Variants in AFAP1 observed in about 807,000 individuals in gnomAD.
The protein encoded by AFAP1 is actin filament-associated protein 1.
A neutral mutation model predicts 93.9 loss-of-function variants in AFAP1; 75 were observed. The observed-to-expected ratio is 0.80, with a 90% confidence interval of 0.66 to 0.97. The LOEUF is 0.97. Among genes scored for constraint, AFAP1 ranks in the 50% least tolerant of loss-of-function variants. AFAP1 has a pLI of 0.00. For missense variants in AFAP1, 1,201 were observed against 1,050.8 expected, an observed-to-expected ratio of 1.14 and a Z score of -1.98; for synonymous variants, 517 against 430.7, an observed-to-expected ratio of 1.20 and a Z score of -2.48.
rs183030813 is a variant in AFAP1, at chr4:7,791,416, G to A, written c.1412+2265C>T. Among the ~76,000 whole-genome samples, 4 of 152,294 alleles carry A rather than the reference G, an allele frequency of 2.6e-5. No individual in the cohort carries two copies. The South Asian group carries it at 6.2e-4, about 24-fold the overall frequency. On this transcript the variant is annotated intron_variant, in intron 11 of 17. Transcript: ENST00000420658. The stretch of plus-strand genomic sequence containing the variant: ...CCATCTCTATTTTCTACAGAAGGCA[G>A]CAGAGGTACTAACAGGTAATGAATG...
chr4:7,923,399 G>A (rs1720543581), intron 1 of AFAP1, among the ~76,000 whole-genome samples: 1 of 152,172 alleles, frequency 6.6e-6, no homozygotes, highest in African/African-American at 2.4e-5. Flanking sequence ...CTCAGTTCCA[G>A]GACAAGGACC....
At chr4:7,843,381 G>A (rs778486399) in intron 4 of AFAP1, 31 bp from the exon 5 acceptor site, 162 of 1,574,628 alleles carry the variant, frequency 1.0e-4, no homozygotes, top group Non-Finnish European at 1.3e-4. Flanking sequence ...CTGGTAAAAA[G>A]GACTTCTTTA....
intron 17 of AFAP1, among the ~76,000 whole-genome samples, chr4:7,767,918 T>C (rs1021017290): frequency 5.9e-5 from 9 of 151,998 alleles, no homozygotes; most frequent in African/African-American, 2.2e-4. Flanking sequence ...CTATAAAGAA[T>C]ACAGTAAGTT....
At chr4:7,868,864 A>G (rs1716731880) in intron 2 of AFAP1, 145 bp from the exon 3 acceptor site, 1 of 688,680 alleles carries the variant, frequency 1.5e-6, no homozygotes, top group African/African-American at 1.9e-5. Context: ...CTGCAAGGTT[A>G]GGTATTATTC....
intron 1 of AFAP1, among the ~76,000 whole-genome samples, chr4:7,937,061 TCAA>T (rs1259867315): frequency 6.6e-6 from 1 of 152,010 alleles, no homozygotes; most frequent in Non-Finnish European, 1.5e-5. Flanking sequence ...AGATCTGAGC[TCAA>T]CAACTCCATT....
At chr4:7,773,215 T>G in intron 15 of AFAP1, 2 of 770,894 alleles carry the variant, frequency 2.6e-6, no homozygotes, top group Non-Finnish European at 4.0e-6. Context: ...CTGCAGCCGT[T>G]GAGGACTCGG....
intron 1 of AFAP1, among the ~76,000 whole-genome samples, chr4:7,899,070 C>T (rs950106621): frequency 2.6e-5 from 4 of 151,288 alleles, no homozygotes; most frequent in South Asian, 2.1e-4. Flanking sequence ...CTGTCCTTAA[C>T]GAGTTCTAAA....
At chr4:7,871,575 T>A (rs556381078) in intron 2 of AFAP1, among the ~76,000 whole-genome samples, 1 of 152,296 alleles carries the variant, frequency 6.6e-6, no homozygotes, top group Admixed American at 6.5e-5. Flanking sequence ...TCCTCCATGT[T>A]CCGCCTACAT....
intron 1 of AFAP1, among the ~76,000 whole-genome samples, chr4:7,928,954 C>T (rs952745476): frequency 6.6e-6 from 1 of 152,220 alleles, no homozygotes; most frequent in Admixed American, 6.5e-5. Flanking sequence ...TCAGCCACAG[C>T]ACCTGGTTGC....
chr4:7,825,875 A>T (rs1436269749), intron 6 of AFAP1, among the ~76,000 whole-genome samples: 1 of 151,734 alleles, frequency 6.6e-6, no homozygotes, highest in East Asian at 1.9e-4. Context: ...GGCACAGGGC[A>T]TTTTTACTCC....
chr4:7,817,720 G>C (rs1720605265), intron 7 of AFAP1, among the ~76,000 whole-genome samples: 1 of 150,270 alleles, frequency 6.7e-6, no homozygotes, highest in African/African-American at 2.5e-5. Flanking sequence ...TGTGGCTTAA[G>C]AGTTGTTAAA....
chr4:7,901,041 C>G (rs1032322644), intron 1 of AFAP1, among the ~76,000 whole-genome samples: 3 of 152,208 alleles, frequency 2.0e-5, no homozygotes, highest in African/African-American at 7.2e-5. Context: ...TAGGACTGCT[C>G]TCCCACTTGG....
rs6814649 is a variant in AFAP1, at chr4:7,907,911, G to A, written c.-3+31745C>T. ...TTAATTAGCACCCATTTAAAGTTAA[G>A]TGCTACCCACAGATATTTAAAAGCA... On this transcript the variant is annotated intron_variant, in intron 1 of 17. Transcript: ENST00000420658. Among the ~76,000 whole-genome samples the A allele has an allele frequency of 5.8e-3, 888 of 152,196 alleles. 6 individuals are homozygous for A. Among genetic ancestry groups the A allele is most frequent in the African/African-American group, 0.019 (782 of 41,520 alleles).
At chr4:7,798,275 C>G (rs1718659366) in intron 10 of AFAP1, among the ~76,000 whole-genome samples, 1 of 148,244 alleles carries the variant, frequency 6.7e-6, no homozygotes, top group Non-Finnish European at 1.5e-5. Context: ...GGCACTGCAA[C>G]TCTACTGGCT....
intron 4 of AFAP1, among the ~76,000 whole-genome samples, chr4:7,851,150 C>G (rs1714394381): frequency 6.6e-6 from 1 of 152,182 alleles, no homozygotes; most frequent in Admixed American, 6.5e-5. Context: ...TAGAGAGAAC[C>G]ATCTTACTTC....
At chr4:7,881,168 G>C (rs202042898) in intron 1 of AFAP1, among the ~76,000 whole-genome samples, 1 of 152,146 alleles carries the variant, frequency 6.6e-6, no homozygotes, top group Non-Finnish European at 1.5e-5. Context: ...GGTGGGAACA[G>C]TATGTGCATT....
At chr4:7,817,555 C>A (rs1484487956) in intron 7 of AFAP1, among the ~76,000 whole-genome samples, 6 of 152,114 alleles carry the variant, frequency 3.9e-5, no homozygotes, top group Non-Finnish European at 8.8e-5. Flanking sequence ...GGTGCCATTG[C>A]ACTCCAGCCT....
At chr4:7,828,390 C>T (rs948556365) in intron 6 of AFAP1, among the ~76,000 whole-genome samples, 3 of 152,160 alleles carry the variant, frequency 2.0e-5, no homozygotes, top group Non-Finnish European at 2.9e-5. Context: ...TTTTGAAATT[C>T]GAGACAGCAG....
intron 16 of AFAP1, 56 bp downstream of exon 16, chr4:7,772,764 G>A: frequency 6.5e-7 from 1 of 1,544,000 alleles, no homozygotes; most frequent in Non-Finnish European, 8.8e-7. Flanking sequence ...GGGTGCACTG[G>A]CCCTCGGCCA....
Sources: allele counts gnomAD v4.1 joint callset (sites outside exome capture counted in the v4.1 genomes callset), GRCh38; gene constraint gnomAD v4.1.1; transcripts MANE v1.5; gene names NCBI Gene and HGNC (gene_info 2026-07-23, HGNC 2026-07-21).